MGAT4C: variants seen among roughly 807,000 people sequenced by gnomAD.
MGAT4C encodes MGAT4 family member C.
Under a neutral mutation model 40.1 loss-of-function variants are expected in MGAT4C, and 19 were observed. That is an observed-to-expected ratio of 0.47 (90% CI 0.33 to 0.70). The LOEUF is 0.70. Among genes scored for constraint, MGAT4C ranks in the 30% least tolerant of loss-of-function variants. The pLI, the probability that MGAT4C is intolerant of heterozygous loss-of-function variation, is 0.02. For synonymous variants in MGAT4C, 181 were observed against 187.1 expected (o/e 0.97, Z 0.27); for missense variants, 491 against 563.2 (o/e 0.87, Z 1.30).
intron 2 of MGAT4C, among the ~76,000 whole-genome samples, chr12:86,626,411 T>C (rs774688049): frequency 1.8e-4 from 27 of 152,292 alleles, no homozygotes; most frequent in Non-Finnish European, 2.9e-4. Context: ...TTGAGCAAAG[T>C]ACTTTTTACT....
chr12:85,974,560 G>T lies in MGAT4C; in HGVS notation c.*4729C>A, dbSNP rs146579416. The T allele has an allele frequency of 6.7e-6, 1 of 150,242 alleles. No individual in the cohort carries two copies. The highest frequency in any genetic ancestry group is 1.9e-4 in the East Asian group (1 of 5,164). The allele number at this position is 150,242 out of a possible 1,614,324, so 9.3% of individuals were successfully genotyped here. On this transcript the variant is annotated 3_prime_UTR_variant, in exon 5 of 5. Transcript: ENST00000611864. ...ACATATGTATATATACATACACACA[G>T]ATTGAGAGATTAACCATATGTAGAT... is the stretch of plus-strand genomic sequence containing the variant.
chr12:86,800,894 C>T (rs973657797), intron 1 of MGAT4C, among the ~76,000 whole-genome samples: 1 of 151,850 alleles, frequency 6.6e-6, no homozygotes, highest in African/African-American at 2.4e-5. Context: ...CCTGCTAAGT[C>T]AGTTTTAGCC....
At chr12:86,203,379 C>T (rs1434492334) in intron 1 of MGAT4C, among the ~76,000 whole-genome samples, 4 of 152,100 alleles carry the variant, frequency 2.6e-5, no homozygotes, top group Non-Finnish European at 5.9e-5. Flanking sequence ...CTGAGCTGAA[C>T]AGGAGCTATT....
chr12:86,483,811 T>C (rs920020036), intron 2 of MGAT4C, among the ~76,000 whole-genome samples: 1 of 145,344 alleles, frequency 6.9e-6, no homozygotes, highest in Non-Finnish European at 1.5e-5. Flanking sequence ...GTCATTAGAG[T>C]GATCTTGATG....
intron 2 of MGAT4C, among the ~76,000 whole-genome samples, chr12:86,561,546 C>T (rs1959863173): frequency 6.6e-6 from 1 of 152,176 alleles, no homozygotes; most frequent in African/African-American, 2.4e-5. Context: ...ACCTTTTGGA[C>T]TCTTGAACTT....
intron 2 of MGAT4C, among the ~76,000 whole-genome samples, chr12:86,446,334 T>C (rs1028982787): frequency 3.6e-4 from 55 of 152,034 alleles, no homozygotes; most frequent in African/African-American, 1.3e-3. Flanking sequence ...GCTGCTCCAA[T>C]TGGCATTGGT....
rs74619242 is a variant in MGAT4C at position 86,108,771 on chromosome 12, C to T, written c.-56-59048G>A. On this transcript the variant is annotated intron_variant, in intron 1 of 4. Transcript: ENST00000611864. ...TTCAAAATGCATGCCTCAGGACCAC[C>T]ATCATGAATATTTATAGCTCCTCTT... Among the ~76,000 whole-genome samples the T allele has an allele frequency of 0.022, 3,380 of 152,164 alleles. 263 individuals carry two copies. In the East Asian group the frequency reaches 0.28, roughly 13 times the overall value.
chr12:86,723,482 C>CG, intron 2 of MGAT4C, among the ~76,000 whole-genome samples: 1 of 152,118 alleles, frequency 6.6e-6, no homozygotes, highest in East Asian at 1.9e-4. Context: ...TTGGCAGCCT[C>CG]GGGGGCTCTT....
intron 1 of MGAT4C, among the ~76,000 whole-genome samples, chr12:86,804,911 G>A (rs957507319): frequency 6.6e-6 from 1 of 152,128 alleles, no homozygotes; most frequent in East Asian, 1.9e-4. Context: ...AGTTTTGGAT[G>A]TGATTAAAAT....
At chr12:86,769,781 C>T (rs1043061245) in intron 1 of MGAT4C, among the ~76,000 whole-genome samples, 19 of 151,966 alleles carry the variant, frequency 1.3e-4, no homozygotes, top group Admixed American at 6.6e-4. Context: ...AACCAAACAC[C>T]GCATGTTCTC....
At chr12:86,532,106 T>C (rs1344106655) in intron 2 of MGAT4C, among the ~76,000 whole-genome samples, 1 of 151,960 alleles carries the variant, frequency 6.6e-6, no homozygotes, top group Non-Finnish European at 1.5e-5. Context: ...TTTGGGGGCA[T>C]TAAATTAAGT....
chr12:86,688,503 T>G (rs1378617057), intron 2 of MGAT4C, among the ~76,000 whole-genome samples: 3 of 152,150 alleles, frequency 2.0e-5, no homozygotes, highest in Non-Finnish European at 4.4e-5. Flanking sequence ...CTTTCCATAT[T>G]TAGGGTTTCT....
chr12:86,162,067 C>T (rs75876943), intron 1 of MGAT4C, among the ~76,000 whole-genome samples: 1,530 of 152,206 alleles, frequency 0.01, 7 homozygotes, highest in Non-Finnish European at 0.016. Context: ...ATTGGTCCTG[C>T]CACTGGAAAG....
intron 2 of MGAT4C, among the ~76,000 whole-genome samples, chr12:86,466,166 G>A (rs1420050712): frequency 6.6e-6 from 1 of 151,398 alleles, no homozygotes; most frequent in Non-Finnish European, 1.5e-5. Flanking sequence ...CAGAGATAGC[G>A]CCATTGCACT....
intron 3 of MGAT4C, among the ~76,000 whole-genome samples, chr12:86,418,483 T>A (rs1391175358): frequency 6.6e-6 from 1 of 151,948 alleles, no homozygotes; most frequent in Non-Finnish European, 1.5e-5. Context: ...TCTCAGCTAC[T>A]CAGGAGGCTG....
Position 85,989,384 on chromosome 12 carries a change from A to G in MGAT4C, c.147+16T>C. 1 of 1,552,208 alleles carries G rather than the reference A, an allele frequency of 6.4e-7. No homozygotes were observed. The highest frequency in any genetic ancestry group is 8.7e-7 in the Non-Finnish European group (1 of 1,151,218). ...GCCTTATTTTGAAGAAAAGACAATC[A>G]ACCTCCCAAACTTACCAGAACATAG... On this transcript the variant is annotated intron_variant, in intron 3 of 4. Transcript: ENST00000611864.
intron 1 of MGAT4C, among the ~76,000 whole-genome samples, chr12:86,138,718 C>G (rs1448797790): frequency 6.7e-6 from 1 of 148,484 alleles, no homozygotes; most frequent in Admixed American, 6.8e-5. Flanking sequence ...ATATAAAATA[C>G]AAATCATCTC....
Position 86,730,395 on chromosome 12 carries a change from G to T in MGAT4C, c.-261-3154C>A, listed in dbSNP as rs1405896937. Among the ~76,000 whole-genome samples, 10 of 54,546 alleles carry T rather than the reference G, an allele frequency of 1.8e-4. No individual in the cohort carries two copies. In the South Asian group the frequency reaches 2.5e-3, roughly 14 times the overall value. 35.8% of individuals were successfully genotyped at this position (54,546 alleles called of 152,430 possible). ...GTCATATCATCTTTTTCAAGGCACA[G>T]AAGAAAAAACATGTACAAACATGCT... is the stretch of plus-strand genomic sequence containing the variant. On this transcript the variant is annotated intron_variant, in intron 1 of 7. Coordinates refer to the MGAT4C transcript ENST00000548651.
intron 1 of MGAT4C, among the ~76,000 whole-genome samples, chr12:86,076,987 A>G (rs1592867157): frequency 6.6e-6 from 1 of 152,216 alleles, no homozygotes. Flanking sequence ...AGGCTAGGCC[A>G]GTCTCTCTTT....
Sources: allele counts gnomAD v4.1 joint callset (sites outside exome capture counted in the v4.1 genomes callset), GRCh38; gene constraint gnomAD v4.1.1; transcripts MANE v1.5; gene names NCBI Gene and HGNC (gene_info 2026-07-23, HGNC 2026-07-21).